VPS35L: variants seen among roughly 807,000 people sequenced by gnomAD.
VPS35L encodes VPS35 endosomal protein sorting factor like, also known as VPS35 endosomal protein-sorting factor-like.
Under a neutral mutation model 133.0 loss-of-function variants are expected in VPS35L, and 83 were observed. The ratio of observed to expected loss-of-function variants is 0.62; its 90% CI spans 0.52 to 0.75. The LOEUF (loss-of-function observed/expected upper bound fraction) is 0.75. Among genes scored for constraint, VPS35L ranks in the 30% least tolerant of loss-of-function variants. The probability of loss-of-function intolerance (pLI) is 0.00; values close to 1 mark genes in which losing one functional copy is unlikely to be tolerated. For missense variants in VPS35L, 1,083 were observed against 1,206.8 expected, an observed-to-expected ratio of 0.90 and a Z score of 1.52; for synonymous variants, 423 against 449.9, an observed-to-expected ratio of 0.94 and a Z score of 0.76.
chr16:19,573,350 T>C, intron 4 of VPS35L, 109 bp downstream of exon 4: 1 of 1,259,210 alleles, frequency 7.9e-7, no homozygotes, highest in Non-Finnish European at 1.1e-6. Context: ...ATTTATTTAT[T>C]TTTCTACTTC....
chr16:19,623,767 T>A (rs1231953943), intron 14 of VPS35L, among the ~76,000 whole-genome samples: 1 of 24,574 alleles, frequency 4.1e-5, no homozygotes, highest in African/African-American at 1.4e-4. Flanking sequence ...ACTTATTTAT[T>A]TATTATTATT....
intron 21 of VPS35L, among the ~76,000 whole-genome samples, chr16:19,641,225 C>T (rs753542404): frequency 7.2e-5 from 11 of 151,850 alleles, no homozygotes; most frequent in Middle Eastern, 6.4e-3. Flanking sequence ...CCTCCACGTC[C>T]GGCTAATTTT....
At chr16:19,668,508 A>G (rs1300864968) in intron 26 of VPS35L, among the ~76,000 whole-genome samples, 1 of 151,806 alleles carries the variant, frequency 6.6e-6, no homozygotes, top group Non-Finnish European at 1.5e-5. Context: ...TTCTTGTTTT[A>G]CAGATTTTTT....
chr16:19,629,480 T>TA (rs1285733468), intron 17 of VPS35L, among the ~76,000 whole-genome samples: 14 of 151,110 alleles, frequency 9.3e-5, no homozygotes, highest in Admixed American at 8.8e-4. Context: ...AGAACTGCCA[T>TA]AAAAAATACA....
chr16:19,587,285 C>A (rs762564583), intron 7 of VPS35L: 1 of 445,062 alleles, frequency 2.2e-6, no homozygotes, highest in South Asian at 1.6e-5. Flanking sequence ...CAGAGCCAAA[C>A]CATGTTAACT....
At chr16:19,609,332 T>C (rs1012795719) in intron 11 of VPS35L, among the ~76,000 whole-genome samples, 1 of 152,178 alleles carries the variant, frequency 6.6e-6, no homozygotes, top group Non-Finnish European at 1.5e-5. Context: ...AACAAGTTAC[T>C]TACAGCCTCA....
In VPS35L at chr16:19,642,403, C is replaced by G. The variant is rs1165141846; in HGVS notation, c.1792C>G (p.Gln598Glu). 1 of 1,613,762 alleles carries G rather than the reference C, an allele frequency of 6.2e-7. No homozygotes were observed. The highest frequency in any genetic ancestry group is 1.1e-5 in the South Asian group (1 of 91,040). ...TCTTTAAATGTCTCCTAGGCATCAACAAGAGCCCACCAAGGACCCGGTCAT... is the reference window on the plus strand; with the variant it reads ...TCTTTAAATGTCTCCTAGGCATCAAGAAGAGCCCACCAAGGACCCGGTCAT... ...CIMDAFIKHQ[Q>E]EPTKDPVILN... Residue 598 changes from glutamine to glutamate, a missense_variant, in exon 22 of 31, where the codon CAA becomes GAA. By Grantham distance (29) the Gln-to-Glu change is conservative. Transcript: ENST00000417362.
At chr16:19,567,202 A>G (rs1227632409) in intron 2 of VPS35L, among the ~76,000 whole-genome samples, 1 of 152,230 alleles carries the variant, frequency 6.6e-6, no homozygotes, top group Non-Finnish European at 1.5e-5. Flanking sequence ...TTTAGGCTAA[A>G]CTTGATTTAA....
At chr16:19,579,169 T>A (rs778609970) in intron 6 of VPS35L, 41 bp downstream of exon 6, 1 of 1,580,896 alleles carries the variant, frequency 6.3e-7, no homozygotes, top group East Asian at 2.3e-5. Flanking sequence ...TGGGAGAGCT[T>A]TTCCTTCCTC....
At chr16:19,636,395 A>G (rs973002585) in intron 19 of VPS35L, among the ~76,000 whole-genome samples, 4 of 150,380 alleles carry the variant, frequency 2.7e-5, no homozygotes, top group African/African-American at 9.7e-5. Flanking sequence ...TATTAAGGGG[A>G]AAAAAATCCT....
chr16:19,656,263 CA>C (rs34467290), intron 26 of VPS35L, among the ~76,000 whole-genome samples: 17,673 of 80,890 alleles, frequency 0.22, 939 homozygotes, highest in East Asian at 0.33. Context: ...GACTCTGTCT[CA>C]AAAAAAAAAA....
At chr16:19,644,329 G>A (rs535477900) in intron 22 of VPS35L, among the ~76,000 whole-genome samples, 11 of 152,294 alleles carry the variant, frequency 7.2e-5, no homozygotes, top group Non-Finnish European at 1.6e-4. Flanking sequence ...AAGTAAAATG[G>A]TGATGGCAGG....
intron 12 of VPS35L, 75 bp from the exon 13 acceptor site, chr16:19,616,039 A>T: frequency 9.7e-7 from 1 of 1,027,032 alleles, no homozygotes; most frequent in Non-Finnish European, 1.5e-6. Context: ...AGGTATATAT[A>T]TTTTTTAATT....
At chr16:19,644,719 T>C (rs186761111) in intron 22 of VPS35L, among the ~76,000 whole-genome samples, 167 bp from the exon 23 acceptor site, 1 of 152,342 alleles carries the variant, frequency 6.6e-6, no homozygotes, top group East Asian at 1.9e-4. Context: ...TTAATTGTGA[T>C]TATGTATTTT....
chr16:19,621,461 A>G (rs1356417780), intron 14 of VPS35L, among the ~76,000 whole-genome samples: 1 of 152,260 alleles, frequency 6.6e-6, no homozygotes, highest in Non-Finnish European at 1.5e-5. Flanking sequence ...GGCCAACAGC[A>G]ACAATAACAA....
chr16:19,579,152 C>A, intron 6 of VPS35L, 24 bp downstream of exon 6: 1 of 1,607,806 alleles, frequency 6.2e-7, no homozygotes, highest in Non-Finnish European at 8.5e-7. Flanking sequence ...TTGTGGAATA[C>A]AGGGAGTGGG....
chr16:19,669,260 A>G lies in VPS35L; in HGVS notation c.2322A>G (p.Glu774=). The G allele has an allele frequency of 6.2e-7, 1 of 1,613,256 alleles. No individual in the cohort carries two copies. The highest frequency in any genetic ancestry group is 8.5e-7 in the Non-Finnish European group (1 of 1,179,370). Residue 774 remains glutamate (E), a synonymous_variant, in exon 27 of 31, where the codon GAA becomes GAG. Coordinates refer to ENST00000417362, the MANE Select transcript of VPS35L (RefSeq NM_020314.7). The part of the protein sequence containing the change: ...KMRPSESFLL[E]FLCNFFSTLL... ...GGCCATCGGAATCGTTCCTTCTGGA[A>G]TTCCTCTGCAATTTCTTTTCTACTT...
At chr16:19,636,920 C>A (rs961753402) in intron 19 of VPS35L, among the ~76,000 whole-genome samples, 1 of 152,144 alleles carries the variant, frequency 6.6e-6, no homozygotes, top group Non-Finnish European at 1.5e-5. Context: ...TTGGGTAATA[C>A]CTTGGCCTTT....
chr16:19,588,450 C>G (rs997322096), intron 7 of VPS35L, among the ~76,000 whole-genome samples: 167 of 152,072 alleles, frequency 1.1e-3, no homozygotes, highest in African/African-American at 3.8e-3. Context: ...CCTTGCCCCC[C>G]GCAAAGTGCT....
Sources: gnomAD v4.1 joint callset for allele counts (sites outside exome capture counted in the v4.1 genomes callset) on GRCh38, gnomAD v4.1.1 for gene constraint, MANE v1.5 for transcripts, NCBI Gene and HGNC (gene_info 2026-07-23, HGNC 2026-07-21) for gene names.